The following ZNF804B variants were observed in gnomAD, a reference collection of about 807,000 sequenced individuals.
The protein encoded by ZNF804B is zinc finger 804B.
Under a neutral mutation model 101.4 loss-of-function variants are expected in ZNF804B, and 80 were observed. The observed-to-expected ratio is 0.79, with a 90% CI of 0.66 to 0.95. ZNF804B has a LOEUF of 0.95. ZNF804B is among the 40% of genes least tolerant of loss of function. The probability of loss-of-function intolerance (pLI) is 0.00; values close to 1 mark genes in which losing one functional copy is unlikely to be tolerated. For synonymous variants in ZNF804B, 622 were observed against 558.8 expected (o/e 1.11, Z -1.59); for missense variants, 1,673 against 1,561.9 (o/e 1.07, Z -1.20).
rs201766477 is a variant in ZNF804B, at chr7:89,220,101, ATATG to A, written c.249+1808_249+1811del. ...TATATACATATATATACGCACATAT[ATATG>A]TGTGTATATACATATATATACGCAC... On this transcript the variant is annotated intron_variant, in intron 2 of 3. Transcript: ENST00000333190. Among the ~76,000 whole-genome samples, 362 of 105,818 alleles carry A rather than the reference ATATG, an allele frequency of 3.4e-3. 88 individuals are homozygous for A. The highest frequency in any genetic ancestry group is 0.015 in the African/African-American group (346 of 23,284). The allele number at this position is 105,818 out of a possible 152,430, so 69.4% of individuals were successfully genotyped here. A position where few individuals can be genotyped will look rare whatever the true frequency, so the allele number is the denominator to read the frequency against.
intron 1 of ZNF804B, among the ~76,000 whole-genome samples, chr7:88,837,347 T>A (rs1791228265): frequency 6.6e-6 from 1 of 151,988 alleles, no homozygotes; most frequent in Non-Finnish European, 1.5e-5. Flanking sequence ...TTGGAAAACT[T>A]GTGTGACATC....
At chr7:89,027,653 C>T (rs986584947) in intron 1 of ZNF804B, among the ~76,000 whole-genome samples, 13 of 152,096 alleles carry the variant, frequency 8.5e-5, no homozygotes, top group Admixed American at 5.2e-4. Flanking sequence ...AGAACCTCTC[C>T]CAGGTGGGTC....
At chr7:89,136,444 T>G (rs12533849) in intron 1 of ZNF804B, among the ~76,000 whole-genome samples, 1 of 151,984 alleles carries the variant, frequency 6.6e-6, no homozygotes, top group Non-Finnish European at 1.5e-5. Context: ...TTTTGTGCAT[T>G]TATCACTACT....
At chr7:89,129,291 T>C (rs1790512686) in intron 1 of ZNF804B, among the ~76,000 whole-genome samples, 1 of 152,100 alleles carries the variant, frequency 6.6e-6, no homozygotes, top group South Asian at 2.1e-4. Flanking sequence ...ATTATTGTTT[T>C]GTTAGATGAG....
intron 1 of ZNF804B, among the ~76,000 whole-genome samples, chr7:89,013,277 TAA>T (rs1432934845): frequency 1.3e-4 from 20 of 152,254 alleles, no homozygotes; most frequent in African/African-American, 4.3e-4. Flanking sequence ...TGCGAGCAGT[TAA>T]GAGAGAAGAA....
intron 1 of ZNF804B, among the ~76,000 whole-genome samples, chr7:88,917,916 CA>C (rs1167578554): frequency 2.0e-5 from 3 of 151,856 alleles, no homozygotes. Context: ...TAAGACAGTT[CA>C]AAATTAGTCA....
At chr7:89,054,052 T>C (rs983033782) in intron 1 of ZNF804B, among the ~76,000 whole-genome samples, 1 of 151,896 alleles carries the variant, frequency 6.6e-6, no homozygotes, top group Non-Finnish European at 1.5e-5. Context: ...CCACTTAAAA[T>C]GTGGTTATTT....
intron 1 of ZNF804B, among the ~76,000 whole-genome samples, chr7:89,082,813 A>C (rs1789715568): frequency 1.3e-5 from 2 of 151,812 alleles, no homozygotes; most frequent in South Asian, 4.1e-4. Context: ...TAGCGATCTA[A>C]ATAAGTGTAA....
At chr7:89,251,013 C>G (rs1044865689) in intron 2 of ZNF804B, among the ~76,000 whole-genome samples, 1 of 152,120 alleles carries the variant, frequency 6.6e-6, no homozygotes, top group Non-Finnish European at 1.5e-5. Context: ...TAGAGGCATT[C>G]CCCCTTGAGA....
chr7:88,903,378 A>T (rs772571563), intron 1 of ZNF804B, among the ~76,000 whole-genome samples: 4 of 152,080 alleles, frequency 2.6e-5, no homozygotes, highest in Non-Finnish European at 5.9e-5. Context: ...GCTTGATTCC[A>T]TATCTTTGTG....
At chr7:89,085,425 A>C (rs1173707912) in intron 1 of ZNF804B, among the ~76,000 whole-genome samples, 1 of 151,914 alleles carries the variant, frequency 6.6e-6, no homozygotes, top group Non-Finnish European at 1.5e-5. Flanking sequence ...TAGTTGAAAA[A>C]TGTTCTTGGA....
At chr7:88,856,388 C>G (rs1451387740) in intron 1 of ZNF804B, among the ~76,000 whole-genome samples, 1 of 152,142 alleles carries the variant, frequency 6.6e-6, no homozygotes, top group Non-Finnish European at 1.5e-5. Flanking sequence ...GGAGTTCACT[C>G]ATGATTTGGC....
chr7:89,337,220 C>A lies in ZNF804B; in HGVS notation c.*188C>A, dbSNP rs1791111721. Among the ~76,000 whole-genome samples, 1 of 151,846 alleles carries A rather than the reference C, an allele frequency of 6.6e-6. No individual in the cohort carries two copies. Among genetic ancestry groups the A allele is most frequent in the Admixed American group, 6.6e-5 (1 of 15,234 alleles). On this transcript the variant is annotated 3_prime_UTR_variant, in exon 4 of 4. Transcript: ENST00000333190. Reference sequence around the variant, plus strand: ...GCATTTTAATAATTTTTTAGCTTGCCAAAATAATAGGCAAATTTGAATAAT... The same window carrying A: ...GCATTTTAATAATTTTTTAGCTTGCAAAAATAATAGGCAAATTTGAATAAT...
intron 1 of ZNF804B, among the ~76,000 whole-genome samples, chr7:88,859,133 C>T (rs1791613075): frequency 6.6e-6 from 1 of 151,956 alleles, no homozygotes; most frequent in East Asian, 1.9e-4. Flanking sequence ...CGCTCTTCAC[C>T]AATCAAATGA....
At chr7:89,271,457 G>A (rs1789893099) in intron 2 of ZNF804B, among the ~76,000 whole-genome samples, 1 of 152,170 alleles carries the variant, frequency 6.6e-6, no homozygotes, top group East Asian at 1.9e-4. Flanking sequence ...TATGTTGCTG[G>A]ATTCAGTTTG....
At chr7:88,917,660 G>A (rs1442089735) in intron 1 of ZNF804B, among the ~76,000 whole-genome samples, 1 of 152,076 alleles carries the variant, frequency 6.6e-6, no homozygotes, top group Non-Finnish European at 1.5e-5. Flanking sequence ...ACATTTTTCT[G>A]GGAATTTTGC....
In ZNF804B at chr7:88,778,945, C is replaced by A. The variant is rs1193655580; in HGVS notation, c.108+18861C>A. Among the ~76,000 whole-genome samples, 3 of 152,110 alleles carry A rather than the reference C, an allele frequency of 2.0e-5. No individual in the cohort carries two copies. The East Asian group carries it at 5.8e-4, about 29-fold the overall frequency. ...TTCTGATCTTTCTGCTCATGGCTCC[C>A]CAGTTCCATTTTCAAAAATTGGGGT... On this transcript the variant is annotated intron_variant, in intron 1 of 3. Transcript: ENST00000333190.
At chr7:88,799,811 T>C (rs1790551911) in intron 1 of ZNF804B, among the ~76,000 whole-genome samples, 1 of 152,092 alleles carries the variant, frequency 6.6e-6, no homozygotes, top group Non-Finnish European at 1.5e-5. Flanking sequence ...ATGCAAATGA[T>C]GTTTAGTGCT....
intron 1 of ZNF804B, among the ~76,000 whole-genome samples, chr7:88,915,033 T>C (rs938498724): frequency 6.6e-6 from 1 of 152,170 alleles, no homozygotes; most frequent in African/African-American, 2.4e-5. Context: ...CCCACCCTTT[T>C]TTAATGAGTA....
Sources: gnomAD v4.1 joint callset for allele counts (sites outside exome capture counted in the v4.1 genomes callset) on GRCh38, gnomAD v4.1.1 for gene constraint, MANE v1.5 for transcripts, NCBI Gene and HGNC (gene_info 2026-07-23, HGNC 2026-07-21) for gene names.